WIZ: variants seen among roughly 807,000 people sequenced by gnomAD.
WIZ encodes WIZ zinc finger.
In WIZ, 25 loss-of-function variants were observed where a neutral mutation model predicts 140.2. The observed-to-expected ratio is 0.18, with a 90% CI of 0.13 to 0.25. The LOEUF (loss-of-function observed/expected upper bound fraction) is 0.25. Ranked by LOEUF, WIZ falls within the 10% of genes least tolerant of loss-of-function variation. WIZ has a pLI of 1.00. For missense variants in WIZ, 2,231 were observed against 2,632.6 expected (o/e 0.85, Z 3.34); for synonymous variants, 1,125 against 1,154.3 (o/e 0.97, Z 0.51).
Position 15,442,129 on chromosome 19 carries a change from G to C in WIZ, c.278+547C>G, listed in dbSNP as rs1969767859. Among the ~76,000 whole-genome samples, 1 of 151,526 alleles carries C rather than the reference G, an allele frequency of 6.6e-6. No individual in the cohort carries two copies. Among genetic ancestry groups the C allele is most frequent in the Non-Finnish European group, 1.5e-5 (1 of 67,958 alleles). ...TTGAACCCAGGAGGTGGAGGTTGCAGTGAGCCAAGATCACGCCACTGCACT... is the reference window on the plus strand; with the variant it reads ...TTGAACCCAGGAGGTGGAGGTTGCACTGAGCCAAGATCACGCCACTGCACT... On this transcript the variant is annotated intron_variant, in intron 3 of 12. Coordinates refer to ENST00000673675, the MANE Select transcript of WIZ (RefSeq NM_001371589.1). The surrounding 1 kb of genome is among the most constrained non-coding windows in gnomAD (Gnocchi z 5.5).
At position 15,428,071 on chromosome 19, in the gene WIZ, G is replaced by A; in HGVS notation, c.3814+39C>T. ...CCCCCCCCCCGGGAGGGGCTCCAGG[G>A]CCCGCAGTGAGGAGGGGGCAGCTGA... On this transcript the variant is annotated intron_variant, in intron 8 of 12. Transcript: ENST00000673675. This position sits in a 1 kb window ranked among gnomAD's most constrained non-coding sequence, Gnocchi z 6.4. The A allele has an allele frequency of 1.3e-6, 2 of 1,528,564 alleles. No individual in the cohort carries two copies. Among genetic ancestry groups the A allele is most frequent in the Non-Finnish European group, 1.7e-6 (2 of 1,144,286 alleles). 94.7% of individuals were successfully genotyped at this position (1,528,564 alleles called of 1,614,324 possible).
chr19:15,431,215 A>T, intron 5 of WIZ, 33 bp from the exon 6 acceptor site: 1 of 1,482,830 alleles, frequency 6.7e-7, no homozygotes, highest in Non-Finnish European at 9.0e-7. Context: ...CAGCCCAGAC[A>T]AATTTCAGGC....
In WIZ at chr19:15,440,626, C is replaced by A. The variant is rs1321340055; in HGVS notation, c.368G>T (p.Gly123Val). ...CTGGACAAGGGGGTGCTCCCAGGGC[C>A]CCCGGCCATCAGGGGTACCTGGGAA... ...GHFPGTPDGR[G>V]PWEHPLVQEA... is the part of the protein sequence containing the mutation. The change falls in exon 4 of 13, where the codon GGG (glycine) becomes GTG (valine). Residue 123 changes from glycine (G) to valine (V), a missense_variant. Around this residue, in one of 15 missense-constraint regions of WIZ, gnomAD observed 307 missense variants for 294.1 expected, o/e 1.04. Coordinates refer to ENST00000673675, the MANE Select transcript of WIZ (RefSeq NM_001371589.1). The surrounding 1 kb of genome is among the most constrained non-coding windows in gnomAD (Gnocchi z 6.2). The A allele has an allele frequency of 3.9e-6, 6 of 1,532,442 alleles. No individual in the cohort carries two copies. In the Admixed American group the frequency reaches 1.2e-4, roughly 30 times the overall value. 94.9% of individuals were successfully genotyped at this position (1,532,442 alleles called of 1,614,324 possible). A position where few individuals can be genotyped will look rare whatever the true frequency, so the allele number is the denominator to read the frequency against.
In WIZ at chr19:15,424,128, C is replaced by T. The variant is rs1420834935; in HGVS notation, c.5510+55G>A. The T allele has an allele frequency of 9.9e-6, 14 of 1,417,520 alleles. No individual in the cohort carries two copies. Among genetic ancestry groups the T allele is most frequent in the East Asian group, 2.7e-5 (1 of 36,430 alleles). The allele number at this position is 1,417,520 out of a possible 1,614,324, so 87.8% of individuals were successfully genotyped here. The stretch of plus-strand genomic sequence containing the variant: ...CAAACCCTATCCTGTTCCAAGGCTC[C>T]GGGTGACCAAGGTCCACTCAGGTGG... On this transcript the variant is annotated intron_variant, in intron 12 of 12. Coordinates refer to ENST00000673675, the MANE Select transcript of WIZ (RefSeq NM_001371589.1). The surrounding 1 kb of genome is among the most constrained non-coding windows in gnomAD (Gnocchi z 9.7).
Position 15,428,284 on chromosome 19 carries a change from G to A in WIZ, c.3640C>T (p.Arg1214Trp), listed in dbSNP as rs1395467805. The change falls in exon 8 of 13, where the codon CGG becomes TGG. Residue 1214 changes from arginine (R) to tryptophan (W), a missense_variant. Physicochemically the swap from Arg to Trp is moderately radical, Grantham distance 101. Transcript: ENST00000673675. This position sits in a 1 kb window ranked among gnomAD's most constrained non-coding sequence, Gnocchi z 6.4. ...AGGGCCGCGGAGGTGGGAGGCGGCC[G>A]CCCCGGGTGGGCCAGGGCGCCGCGC... The part of the protein sequence containing the change: ...PRRGALAHPG[R>W]PPPTSAALSL... The A allele has an allele frequency of 4.6e-6, 7 of 1,527,536 alleles. No individual in the cohort carries two copies. The highest frequency in any genetic ancestry group is 2.5e-5 in the East Asian group (1 of 40,758). 94.6% of individuals were successfully genotyped at this position (1,527,536 alleles called of 1,614,324 possible). A position where few individuals can be genotyped will look rare whatever the true frequency, so the allele number is the denominator to read the frequency against.
In WIZ at chr19:15,427,273, T is replaced by C. The variant is rs1968894827; in HGVS notation, c.4075A>G (p.Ser1359Gly). 6.2e-7 allele frequency: 1 copy of C among 1,613,724 alleles called. No individual in the cohort carries two copies. Among genetic ancestry groups the C allele is most frequent in the South Asian group, 1.1e-5 (1 of 91,052 alleles). Residue 1359 changes from serine (S) to glycine (G), a missense_variant, in exon 9 of 13, where the codon AGC becomes GGC. This residue lies in a region of WIZ where 393 missense variants were observed against 451.7 expected (regional missense o/e 0.87). Transcript: ENST00000673675. This position sits in a 1 kb window ranked among gnomAD's most constrained non-coding sequence, Gnocchi z 6.4. ...GAGGGGCTGCGGGCTTCCAGTGAGCTGCCAGGACCTGCGCCGCCCATCATC... is the reference window on the plus strand; with the variant it reads ...GAGGGGCTGCGGGCTTCCAGTGAGCCGCCAGGACCTGCGCCGCCCATCATC... Reference protein sequence around the residue: ...AKMMGGAGPGSSLEARSPSDL... With the variant: ...AKMMGGAGPGGSLEARSPSDL...
rs779997003 is a variant in WIZ, at chr19:15,428,168, G to T, written c.3756C>A (p.Ala1252=). 7.6e-5 allele frequency: 116 copies of T among 1,534,392 alleles called. No homozygotes were observed. The highest frequency in any genetic ancestry group is 2.1e-4 in the Middle Eastern group (1 of 4,872). ...CCCAGAAAATGCCGGCGGCTGCGGC[G>T]GCCGAGAGGTCCTGCTTCCCCCAGG... The part of the protein sequence containing the change: ...ASPWGKQDLS[A]AAAAGIFWAS... The change falls in exon 8 of 13, where the codon GCC becomes GCA. Residue 1252 remains alanine, a synonymous_variant. Transcript: ENST00000673675. The surrounding 1 kb of genome is among the most constrained non-coding windows in gnomAD (Gnocchi z 6.4).
intron 2 of WIZ, among the ~76,000 whole-genome samples, chr19:15,444,824 C>T (rs1171349558): frequency 6.6e-6 from 1 of 152,114 alleles, no homozygotes; most frequent in African/African-American, 2.4e-5. Context: ...CTGAGGGTCC[C>T]GGGCATCCTG....
At chr19:15,449,106 G>A (rs1970020835) in intron 1 of WIZ, among the ~76,000 whole-genome samples, 1 of 152,150 alleles carries the variant, frequency 6.6e-6, no homozygotes, top group Non-Finnish European at 1.5e-5. Flanking sequence ...AAACGATAGG[G>A]CTCCTGGTCC....
Position 15,425,615 on chromosome 19 carries a change from C to T in WIZ, c.4520G>A (p.Arg1507Gln), listed in dbSNP as rs201859384. 2.9e-5 allele frequency: 46 copies of T among 1,613,580 alleles called. No individual in the cohort carries two copies. The highest frequency in any genetic ancestry group is 1.6e-4 in the Middle Eastern group (1 of 6,076). The change falls in exon 10 of 13, where the codon CGA becomes CAA. Residue 1507 changes from arginine (R) to glutamine (Q), a missense_variant. Arg to Gln is a conservative substitution (Grantham distance 43). This residue lies in a region of WIZ where 393 missense variants were observed against 451.7 expected (regional missense o/e 0.87). Transcript: ENST00000673675. ...CTTGGACTTCTTCTTGAGGATCTCTCGCAGTGTGTCGATGGGCGAACCATT... is the reference window on the plus strand; with the variant it reads ...CTTGGACTTCTTCTTGAGGATCTCTTGCAGTGTGTCGATGGGCGAACCATT... ...SVNGSPIDTL[R>Q]EILKKKSKPC...
In WIZ at chr19:15,427,913, C is replaced by T. The variant is rs1399380015; in HGVS notation, c.3814+197G>A. ...ATCTCCCCACCTTGGCCTTCATTCT[C>T]AGGAAGGGTCATGGAGGTCAAAGGC... On this transcript the variant is annotated intron_variant, in intron 8 of 12. Coordinates refer to ENST00000673675, the MANE Select transcript of WIZ (RefSeq NM_001371589.1). The surrounding 1 kb of genome is among the most constrained non-coding windows in gnomAD (Gnocchi z 6.4). Among the ~76,000 whole-genome samples the T allele has an allele frequency of 6.6e-6, 1 of 152,158 alleles. No individual in the cohort carries two copies. The highest frequency in any genetic ancestry group is 2.4e-5 in the African/African-American group (1 of 41,442).
intron 12 of WIZ, 38 bp from the exon 13 acceptor site, chr19:15,423,273 G>A (rs911851650): frequency 2.5e-6 from 4 of 1,605,734 alleles, no homozygotes; most frequent in African/African-American, 2.7e-5. Context: ...GGCCAGTGCT[G>A]TGAGGAGAGG....
chr19:15,439,481 T>C lies in WIZ; in HGVS notation c.1513A>G (p.Ser505Gly), dbSNP rs78064963. 7,835 of 1,535,040 alleles carry C rather than the reference T, an allele frequency of 5.1e-3. 312 individuals carry two copies. The African/African-American group carries it at 0.094, about 18-fold the overall frequency. ...GCATCCTGGCTAGTGCCTGGCTGGC[T>C]GGCAGGGTCTTCCTCATAAGCCTCG... is the stretch of plus-strand genomic sequence containing the variant. ...DGEAYEEDPA[S>G]QPGTSQDAHA... The change falls in exon 4 of 13, where the codon AGC becomes GGC. Residue 505 changes from serine (S) to glycine (G), a missense_variant. By Grantham distance (56) the Ser-to-Gly change is moderately conservative (BLOSUM62 0). Transcript: ENST00000673675. This position sits in a 1 kb window ranked among gnomAD's most constrained non-coding sequence, Gnocchi z 7.0.
chr19:15,440,441 C>A lies in WIZ; in HGVS notation c.553G>T (p.Asp185Tyr), dbSNP rs770834025. The A allele has an allele frequency of 8.5e-6, 13 of 1,536,078 alleles. No individual in the cohort carries two copies. Among genetic ancestry groups the A allele is most frequent in the South Asian group, 1.2e-5 (1 of 84,058 alleles). ...TGCTCGTCCTCATCTTGGAGCCAGT[C>A]GAACCTGGGGCGGCCCTGGGCATGT... is the stretch of plus-strand genomic sequence containing the variant. ...EKHAQGRPRF[D>Y]WLQDEDEQGS... Residue 185 changes from aspartate to tyrosine, a missense_variant, in exon 4 of 13, where the codon GAC becomes TAC. By Grantham distance (160) the Asp-to-Tyr change is radical (BLOSUM62 -3). Around this residue, in one of 15 missense-constraint regions of WIZ, gnomAD observed 307 missense variants for 294.1 expected, o/e 1.04. Transcript: ENST00000673675. The surrounding 1 kb of genome is among the most constrained non-coding windows in gnomAD (Gnocchi z 6.2).
Position 15,442,784 on chromosome 19 carries a change from T to A in WIZ, c.206-36A>T, listed in dbSNP as rs1599709806. On this transcript the variant is annotated intron_variant, in intron 2 of 12. Transcript: ENST00000673675. This position sits in a 1 kb window ranked among gnomAD's most constrained non-coding sequence, Gnocchi z 5.5. ...GAGGGGAGACCCTGAGGGGCTGGGG[T>A]CCCCCTGGCCGGGGCCCTCCACACC... 2.5e-6 allele frequency: 3 copies of A among 1,216,886 alleles called. No individual in the cohort carries two copies. In the South Asian group the frequency reaches 1.2e-4, roughly 51 times the overall value. The allele number at this position is 1,216,886 out of a possible 1,614,324, so 75.4% of individuals were successfully genotyped here. A position where few individuals can be genotyped will look rare whatever the true frequency, so the allele number is the denominator to read the frequency against.
rs780286341 is a variant in WIZ, at chr19:15,425,485, C to T, written c.4650G>A (p.Pro1550=). The T allele has an allele frequency of 1.8e-5, 29 of 1,606,494 alleles. No homozygotes were observed. In the Admixed American group the frequency reaches 3.1e-4, roughly 17 times the overall value. The change falls in exon 10 of 13, where the codon CCG becomes CCA. Residue 1550 remains proline (P), a synonymous_variant. Coordinates refer to ENST00000673675, the MANE Select transcript of WIZ (RefSeq NM_001371589.1). ...VAPGPVQSPL[P]LSPLAGRPGK... ...CTGGCCGGCCAGCCAGGGGCGACAG[C>T]GGCAGTGGGGACTGCACGGGCCCAG...
chr19:15,424,387 G>A lies in WIZ; in HGVS notation c.5315-9C>T. The A allele has an allele frequency of 1.9e-6, 3 of 1,600,182 alleles. No homozygotes were observed. The highest frequency in any genetic ancestry group is 2.6e-6 in the Non-Finnish European group (3 of 1,176,018). On this transcript the variant is annotated splice_polypyrimidine_tract_variant and intron_variant, in intron 11 of 12. Transcript: ENST00000673675. This position sits in a 1 kb window ranked among gnomAD's most constrained non-coding sequence, Gnocchi z 9.7. ...TTGTCGGCGTTCAAATTCTAAGGTG[G>A]AGAGGGGGACGGGAGATGAGTGGGA...
rs1268797746 is a variant in WIZ at position 15,437,145 on chromosome 19, A to G, written c.2417-16T>C. 4 of 1,568,188 alleles carry G rather than the reference A, an allele frequency of 2.6e-6. No individual in the cohort carries two copies. Among genetic ancestry groups the G allele is most frequent in the East Asian group, 2.3e-5 (1 of 43,028 alleles). On this transcript the variant is annotated splice_polypyrimidine_tract_variant and intron_variant, in intron 4 of 12. Coordinates refer to ENST00000673675, the MANE Select transcript of WIZ (RefSeq NM_001371589.1). Reference sequence around the variant, plus strand: ...AAGTTGGCCACTGTGGAGAGAGGACAGGACTGCCTGAGGTGGAGAGGGGGC... The same window carrying G: ...AAGTTGGCCACTGTGGAGAGAGGACGGGACTGCCTGAGGTGGAGAGGGGGC...
Position 15,439,892 on chromosome 19 carries a change from C to T in WIZ, c.1102G>A (p.Glu368Lys), listed in dbSNP as rs1421661581. The change falls in exon 4 of 13, where the codon GAG (glutamate) becomes AAG (lysine). Residue 368 changes from glutamate (E) to lysine (K), a missense_variant. Transcript: ENST00000673675. This position sits in a 1 kb window ranked among gnomAD's most constrained non-coding sequence, Gnocchi z 7.0. ...GCCTGATGCAGCTGCCGGTGCTGCT[C>T]CAGGGCAGTGGGGTCAGCAAAGGCC... ...GWAFADPTAL[E>K]QHRQLHQASR... The T allele has an allele frequency of 1.3e-6, 2 of 1,526,768 alleles. No homozygotes were observed. The highest frequency in any genetic ancestry group is 1.8e-6 in the Non-Finnish European group (2 of 1,141,686). The allele number at this position is 1,526,768 out of a possible 1,614,324, so 94.6% of individuals were successfully genotyped here. A position where few individuals can be genotyped will look rare whatever the true frequency, so the allele number is the denominator to read the frequency against.
Sources: allele counts gnomAD v4.1 joint callset (sites outside exome capture counted in the v4.1 genomes callset), GRCh38; gene constraint gnomAD v4.1.1; regional missense constraint gnomAD v4.1.1; non-coding constraint Gnocchi (gnomAD v3.1); transcripts MANE v1.5; gene names NCBI Gene and HGNC (gene_info 2026-07-23, HGNC 2026-07-21).